ADGRL1: variants seen among roughly 807,000 people sequenced by gnomAD.
The protein encoded by ADGRL1 is CIRL-1.
ADGRL1 carries 31 observed loss-of-function variants against 148.9 expected under a neutral mutation model. That is an observed-to-expected ratio of 0.21 (90% CI 0.16 to 0.28). The LOEUF is 0.28. ADGRL1 is among the 10% of genes least tolerant of loss of function. The pLI is 1.00. For synonymous variants in ADGRL1, 937 were observed against 900.3 expected (o/e 1.04, Z -0.73); for missense variants, 1,521 against 2,058.8 (o/e 0.74, Z 5.05).
chr19:14,191,331 C>A, intron 1 of ADGRL1: 1 of 456,710 alleles, frequency 2.2e-6, no homozygotes, highest in South Asian at 1.5e-5. Context: ...CCTTGCCATG[C>A]TGTGACCTCT....
intron 1 of ADGRL1, among the ~76,000 whole-genome samples, chr19:14,192,796 G>A (rs1397578212): frequency 1.3e-5 from 2 of 151,482 alleles, no homozygotes; most frequent in South Asian, 2.1e-4. Context: ...GATGATCCAC[G>A]CGCCTCGGCC....
intron 18 of ADGRL1, among the ~76,000 whole-genome samples, chr19:14,153,616 C>T (rs1236971339): frequency 1.5e-5 from 2 of 137,302 alleles, no homozygotes; most frequent in Non-Finnish European, 1.5e-5. Flanking sequence ...TTAGTAGAGA[C>T]GGGGTTTCAC....
intron 4 of ADGRL1, among the ~76,000 whole-genome samples, chr19:14,167,601 A>T (rs112712198): frequency 6.6e-6 from 1 of 151,992 alleles, no homozygotes; most frequent in Non-Finnish European, 1.5e-5. Flanking sequence ...CTTCCCCTTT[A>T]TGCTGGCCTC....
rs1967770367 is a variant in ADGRL1 at position 14,148,029 on chromosome 19, G to C, written c.*2844C>G. 2 of 152,710 alleles carry C rather than the reference G, an allele frequency of 1.3e-5. No homozygotes were observed. Among genetic ancestry groups the C allele is most frequent in the Admixed American group, 6.6e-5 (1 of 15,260 alleles). 9.5% of individuals were successfully genotyped at this position (152,710 alleles called of 1,614,324 possible). ...ATGGGGAAAGAGTGTTGGAGACAGA[G>C]AAAGGGGAAGGCAAGGGAAAGCCAA... On this transcript the variant is annotated 3_prime_UTR_variant, in exon 23 of 23. Coordinates refer to ENST00000361434, the MANE Select transcript of ADGRL1 (RefSeq NM_014921.5).
intron 1 of ADGRL1, among the ~76,000 whole-genome samples, chr19:14,184,425 C>CATT (rs746490974): frequency 9.3e-5 from 14 of 150,096 alleles, no homozygotes; most frequent in Non-Finnish European, 1.8e-4. Flanking sequence ...TTTTTTTTTT[C>CATT]ATTATTATTA....
intron 1 of ADGRL1, among the ~76,000 whole-genome samples, chr19:14,191,764 C>T (rs551104973): frequency 5.3e-5 from 8 of 151,806 alleles, no homozygotes; most frequent in South Asian, 2.1e-4. Flanking sequence ...GGCACAATCC[C>T]GGCTCATTGC....
At position 14,162,774 on chromosome 19, in the gene ADGRL1, A is replaced by G; in HGVS notation, c.1027T>C (p.Phe343Leu). Residue 343 changes from phenylalanine (F) to leucine (L), a missense_variant, in exon 5 of 23, where the codon TTC (phenylalanine) becomes CTC (leucine). Physicochemically the swap from Phe to Leu is conservative, Grantham distance 22. This residue lies in a region of ADGRL1 where 334 missense variants were observed against 512.5 expected (regional missense o/e 0.65). Transcript: ENST00000361434. This position sits in a 1 kb window ranked among gnomAD's most constrained non-coding sequence, Gnocchi z 5.4. ...TCCTCGCGGTTGGCATTGGTGTTGA[A>G]GGCATAGTCCACGCGGTTGCCAGCC... ...EAAGNRVDYA[F>L]NTNANREEPV... 6.2e-7 allele frequency: 1 copy of G among 1,614,166 alleles called. No individual in the cohort carries two copies. Among genetic ancestry groups the G allele is most frequent in the Non-Finnish European group, 8.5e-7 (1 of 1,180,016 alleles).
intron 4 of ADGRL1, chr19:14,169,158 G>A (rs1180253054): frequency 6.6e-6 from 1 of 152,294 alleles, no homozygotes; most frequent in East Asian, 1.9e-4. Context: ...CTGGGCGCTG[G>A]GGCGGCGGGT....
At chr19:14,158,236 A>G (rs1968967900) in intron 12 of ADGRL1, 102 bp downstream of exon 12, 8 of 1,340,030 alleles carry the variant, frequency 6.0e-6, no homozygotes, top group East Asian at 2.3e-5. Flanking sequence ...GGAAGAACCC[A>G]TAACTTGTTC....
In ADGRL1 at chr19:14,155,463, G is replaced by C. The variant is rs368344176; in HGVS notation, c.3190C>G (p.Leu1064Val). 6.2e-7 allele frequency: 1 copy of C among 1,614,150 alleles called. No individual in the cohort carries two copies. Among genetic ancestry groups the C allele is most frequent in the Non-Finnish European group, 8.5e-7 (1 of 1,180,004 alleles). The stretch of plus-strand genomic sequence containing the variant: ...ACCACCGACTCCTTGTTGATGAAGA[G>C]GAGGCCGAAAGCCCAGGTGAGGCCC... ...LLGLTWAFGL[L>V]FINKESVVMA... is the part of the protein sequence containing the mutation. Residue 1064 changes from leucine to valine, a missense_variant, in exon 18 of 23, where the codon CTC becomes GTC. By Grantham distance (32) the Leu-to-Val change is conservative. Around this residue, in one of 8 missense-constraint regions of ADGRL1, gnomAD observed 185 missense variants for 251.7 expected, o/e 0.74. Coordinates refer to ENST00000361434, the MANE Select transcript of ADGRL1 (RefSeq NM_014921.5). This position sits in a 1 kb window ranked among gnomAD's most constrained non-coding sequence, Gnocchi z 5.0.
In ADGRL1 at chr19:14,150,486, A is replaced by T; in HGVS notation, c.*387T>A. Reference sequence around the variant, plus strand: ...TCCAGTGGGGGCCTTTGGCAACCTCAGAAGCTGCCCCTCCCTGCCCAGGAA... The same window carrying T: ...TCCAGTGGGGGCCTTTGGCAACCTCTGAAGCTGCCCCTCCCTGCCCAGGAA... On this transcript the variant is annotated 3_prime_UTR_variant, in exon 23 of 23. Coordinates refer to ENST00000361434, the MANE Select transcript of ADGRL1 (RefSeq NM_014921.5). 1 of 194,046 alleles carries T rather than the reference A, an allele frequency of 5.2e-6. No individual in the cohort carries two copies. Among genetic ancestry groups the T allele is most frequent in the Non-Finnish European group, 1.1e-5 (1 of 94,122 alleles). 12.0% of individuals were successfully genotyped at this position (194,046 alleles called of 1,614,324 possible).
Position 14,156,740 on chromosome 19 carries a change from G to A in ADGRL1, c.2967-16C>T. Reference sequence around the variant, plus strand: ...GAGCCAGCAGCTGTAAAGGAAACAGGGCCGGGGTATAGAGAGAAGCCGAGG... The same window carrying A: ...GAGCCAGCAGCTGTAAAGGAAACAGAGCCGGGGTATAGAGAGAAGCCGAGG... On this transcript the variant is annotated splice_polypyrimidine_tract_variant and intron_variant, in intron 15 of 22. Transcript: ENST00000361434. The A allele has an allele frequency of 1.2e-6, 2 of 1,604,794 alleles. No individual in the cohort carries two copies. The highest frequency in any genetic ancestry group is 2.2e-5 in the South Asian group (2 of 89,618).
intron 1 of ADGRL1, among the ~76,000 whole-genome samples, chr19:14,202,789 T>C (rs1228928823): frequency 1.3e-5 from 2 of 152,096 alleles, no homozygotes; most frequent in Non-Finnish European, 2.9e-5. Flanking sequence ...AGCTACTCCT[T>C]CTTGCAGCCC....
At chr19:14,187,134 C>T (rs1245156601) in intron 1 of ADGRL1, among the ~76,000 whole-genome samples, 3 of 152,102 alleles carry the variant, frequency 2.0e-5, no homozygotes, top group Non-Finnish European at 2.9e-5. Context: ...GGTGGGAGTT[C>T]GAGACCAGCC....
intron 3 of ADGRL1, among the ~76,000 whole-genome samples, chr19:14,171,816 A>G (rs1970491982): frequency 6.6e-6 from 1 of 152,170 alleles, no homozygotes; most frequent in South Asian, 2.1e-4. Context: ...TGTAAGGGGG[A>G]ACCTATTTAA....
intron 1 of ADGRL1, chr19:14,191,164 C>T (rs184880798): frequency 3.9e-4 from 180 of 456,716 alleles, no homozygotes; most frequent in African/African-American, 3.3e-3. Flanking sequence ...CTGACTCCCG[C>T]CTTGTCTCCC....
chr19:14,179,490 TCAAA>T (rs775024436), intron 2 of ADGRL1, among the ~76,000 whole-genome samples: 3 of 151,426 alleles, frequency 2.0e-5, no homozygotes, highest in Non-Finnish European at 4.4e-5. Flanking sequence ...CGAGACTCCA[TCAAA>T]CAAACAAACA....
chr19:14,175,296 C>G (rs1017570221), intron 3 of ADGRL1, among the ~76,000 whole-genome samples: 5 of 152,104 alleles, frequency 3.3e-5, no homozygotes, highest in African/African-American at 1.2e-4. Flanking sequence ...TACAAATACA[C>G]TCTCAGTCAA....
chr19:14,150,880 CTGG>C lies in ADGRL1; in HGVS notation c.4400_4402del (p.Thr1467del). On this transcript the variant is annotated inframe_deletion, in exon 23 of 23. Coordinates refer to ENST00000361434, the MANE Select transcript of ADGRL1 (RefSeq NM_014921.5). Reference sequence around the variant, plus strand: ...CTGGTCCATGAGGTGCCCTCAGAGACTGGTGACCAGCTGCATCTGCCCGTCCCC... The same window carrying C: ...CTGGTCCATGAGGTGCCCTCAGAGACTGACCAGCTGCATCTGCCCGTCCCC... 6.2e-7 allele frequency: 1 copy of C among 1,612,060 alleles called. No individual in the cohort carries two copies.
Sources: gnomAD v4.1 joint callset for allele counts (sites outside exome capture counted in the v4.1 genomes callset) on GRCh38, gnomAD v4.1.1 for gene constraint, gnomAD v4.1.1 regional missense constraint, Gnocchi (gnomAD v3.1) non-coding constraint, MANE v1.5 for transcripts, NCBI Gene and HGNC (gene_info 2026-07-23, HGNC 2026-07-21) for gene names.